The following MAGEB10 variants were observed in gnomAD, a reference collection of about 807,000 sequenced individuals.
MAGEB10 encodes the protein melanoma-associated antigen B10.
For synonymous variants in MAGEB10, 99 were observed against 101.0 expected, an observed-to-expected ratio of 0.98 and a Z score of 0.12; for missense variants, 190 against 261.9, an observed-to-expected ratio of 0.73 and a Z score of 1.89.
At position 27,822,638 on chromosome X, in the gene MAGEB10, G is replaced by A. The variant is rs767464183; in HGVS notation, c.*288G>A. The A allele has an allele frequency of 2.6e-5, 8 of 311,013 alleles. No homozygotes were observed. The highest frequency in any genetic ancestry group is 1.4e-4 in the African/African-American group (5 of 37,030). 25.6% of individuals were successfully genotyped at this position (311,013 alleles called of 1,213,427 possible). A position where few individuals can be genotyped will look rare whatever the true frequency, so the allele number is the denominator to read the frequency against. On this transcript the variant is annotated 3_prime_UTR_variant, in exon 3 of 3. Coordinates refer to ENST00000356790, the MANE Select transcript of MAGEB10 (RefSeq NM_182506.3). ...GAAACTCTCCATTTATTTAGTGATC[G>A]AAACACGATAGCATGGTAGTAAATT...
chrX:27,821,677 A>T lies in MAGEB10; in HGVS notation c.371A>T (p.Tyr124Phe), dbSNP rs1602866655. The change falls in exon 3 of 3, where the codon TAC (tyrosine) becomes TTC (phenylalanine). Residue 124 changes from tyrosine to phenylalanine, a missense_variant. Coordinates refer to ENST00000356790, the MANE Select transcript of MAGEB10 (RefSeq NM_182506.3). ...ATTATATTGGTGCATTACTTGCTGT[A>T]CAAGTACCAAATGAAAGAGCCCATT... Reference protein sequence around the residue: ...KVIILVHYLLYKYQMKEPITK... With the variant: ...KVIILVHYLLFKYQMKEPITK... The T allele has an allele frequency of 8.3e-7, 1 of 1,210,038 alleles. No individual in the cohort carries two copies. The highest frequency in any genetic ancestry group is 3.0e-5 in the East Asian group (1 of 33,760).
rs1440278071 is a variant in MAGEB10, at chrX:27,821,270, C to G, written c.-37C>G. Reference sequence around the variant, plus strand: ...TTCTCTTCTCCAGGTCACGGGATCACCTGCCTTTTTGGCTGCTGCACCTGA... The same window carrying G: ...TTCTCTTCTCCAGGTCACGGGATCAGCTGCCTTTTTGGCTGCTGCACCTGA... On this transcript the variant is annotated 5_prime_UTR_variant, in exon 3 of 3. Coordinates refer to ENST00000356790, the MANE Select transcript of MAGEB10 (RefSeq NM_182506.3). The G allele has an allele frequency of 8.7e-7, 1 of 1,143,536 alleles. No individual in the cohort carries two copies. Among genetic ancestry groups the G allele is most frequent in the African/African-American group, 1.8e-5 (1 of 56,244 alleles). The allele number at this position is 1,143,536 out of a possible 1,213,427, so 94.2% of individuals were successfully genotyped here.
intron 1 of MAGEB10, among the ~76,000 whole-genome samples, chrX:27,810,250 G>C (rs1362542605): frequency 9.0e-6 from 1 of 111,577 alleles, no homozygotes; most frequent in African/African-American, 3.3e-5. Flanking sequence ...GTAACACCAC[G>C]AGCGAAGGTC....
intron 1 of MAGEB10, among the ~76,000 whole-genome samples, chrX:27,809,078 G>T (rs1429495889): frequency 1.8e-5 from 2 of 112,512 alleles, no homozygotes; most frequent in African/African-American, 6.5e-5. Context: ...CACTGTGGGA[G>T]CCCCTTTCTG....
chrX:27,819,217 C>A (rs943645541), intron 2 of MAGEB10, among the ~76,000 whole-genome samples: 1 of 110,358 alleles, frequency 9.1e-6, no homozygotes, highest in Non-Finnish European at 1.9e-5. Context: ...GAGGAGGAGT[C>A]GTCCCAGGCC....
chrX:27,819,326 C>CAGTACT (rs1923841386), intron 2 of MAGEB10, among the ~76,000 whole-genome samples: 2 of 111,203 alleles, frequency 1.8e-5, no homozygotes, highest in Admixed American at 1.9e-4. Flanking sequence ...TGCACCCCTG[C>CAGTACT]TCTCAGCACT....
Position 27,821,296 on chromosome X carries a change from A to G in MAGEB10, c.-11A>G. The G allele has an allele frequency of 1.7e-6, 2 of 1,201,843 alleles. No individual in the cohort carries two copies. Among genetic ancestry groups the G allele is most frequent in the Non-Finnish European group, 2.3e-6 (2 of 888,159 alleles). ...CTGCCTTTTTGGCTGCTGCACCTGA[A>G]CAGAGTCATCATGCCTCGAGGTCAG... On this transcript the variant is annotated 5_prime_UTR_variant, in exon 3 of 3. Transcript: ENST00000356790.
rs1280561781 is a variant in MAGEB10 at position 27,821,396 on chromosome X, C to A, written c.90C>A (p.Asp30Glu). The A allele has an allele frequency of 8.3e-7, 1 of 1,211,301 alleles. No individual in the cohort carries two copies. Among genetic ancestry groups the A allele is most frequent in the Non-Finnish European group, 1.1e-6 (1 of 895,262 alleles). ...TGGAAGATTTGATAGATGCTCTGGA[C>A]ATTTTAGAAGAGGAGGAAGAATCTC... ...GGLEDLIDAL[D>E]ILEEEEESPP... The change falls in exon 3 of 3, where the codon GAC becomes GAA. Residue 30 changes from aspartate (D) to glutamate (E), a missense_variant. Asp to Glu is a conservative substitution (Grantham distance 45, BLOSUM62 2). Coordinates refer to ENST00000356790, the MANE Select transcript of MAGEB10 (RefSeq NM_182506.3).
chrX:27,814,431 A>G (rs895942833), intron 1 of MAGEB10, among the ~76,000 whole-genome samples: 1 of 111,602 alleles, frequency 9.0e-6, no homozygotes, highest in African/African-American at 3.3e-5. Context: ...AGACTACCCC[A>G]CACCCGCAAT....
chrX:27,817,993 G>A (rs1366984924), intron 2 of MAGEB10, among the ~76,000 whole-genome samples: 1 of 110,701 alleles, frequency 9.0e-6, no homozygotes, highest in African/African-American at 3.3e-5. Context: ...AGTTCAGCGT[G>A]GGGTAGCAAT....
chrX:27,821,693 A>G lies in MAGEB10; in HGVS notation c.387A>G (p.Lys129=), dbSNP rs770169991. The G allele has an allele frequency of 1.6e-6, 2 of 1,212,130 alleles. No homozygotes were observed. Among genetic ancestry groups the G allele is most frequent in the South Asian group, 3.5e-5 (2 of 57,024 alleles). ...ACTTGCTGTACAAGTACCAAATGAA[A>G]GAGCCCATTACAAAGGCAGATATGC... The part of the protein sequence containing the change: ...VHYLLYKYQM[K]EPITKADMLR... Residue 129 remains lysine, a synonymous_variant, in exon 3 of 3, where the codon AAA becomes AAG. Coordinates refer to ENST00000356790, the MANE Select transcript of MAGEB10 (RefSeq NM_182506.3).
intron 2 of MAGEB10, among the ~76,000 whole-genome samples, chrX:27,820,444 G>C (rs1456992981): frequency 9.0e-6 from 1 of 110,935 alleles, no homozygotes; most frequent in Non-Finnish European, 1.9e-5. Flanking sequence ...AACTCAGGGA[G>C]GGGAGGGCGT....
chrX:27,821,334 C>T lies in MAGEB10; in HGVS notation c.28C>T (p.Arg10Cys). ...GCCTCGAGGTCAGAAGAGTAAACTC[C>T]GTGCCAGGGAAAAACGCCGTCAGGC... MPRGQKSKL[R>C]AREKRRQARG... is the part of the protein sequence containing the mutation. Residue 10 changes from arginine (R) to cysteine (C), a missense_variant, in exon 3 of 3, where the codon CGT becomes TGT. By Grantham distance (180) the Arg-to-Cys change is radical. Transcript: ENST00000356790. 8.3e-7 allele frequency: 1 copy of T among 1,211,017 alleles called. No individual in the cohort carries two copies. The highest frequency in any genetic ancestry group is 1.1e-6 in the Non-Finnish European group (1 of 894,902).
chrX:27,814,506 GTTGAT>G (rs1031621336), intron 1 of MAGEB10, among the ~76,000 whole-genome samples: 8 of 111,849 alleles, frequency 7.2e-5, no homozygotes, highest in African/African-American at 2.3e-4. Flanking sequence ...GGCATTTTTG[GTTGAT>G]TTGTGTGCTG....
intron 1 of MAGEB10, among the ~76,000 whole-genome samples, chrX:27,809,384 C>A (rs1343230432): frequency 1.7e-5 from 1 of 59,676 alleles, no homozygotes; most frequent in Non-Finnish European, 3.1e-5. Flanking sequence ...TCCCACCCCC[C>A]CAACCCCGCC....
Position 27,821,394 on chromosome X carries a change from G to A in MAGEB10, c.88G>A (p.Asp30Asn). The A allele has an allele frequency of 8.3e-7, 1 of 1,211,426 alleles. No individual in the cohort carries two copies. Among genetic ancestry groups the A allele is most frequent in the Non-Finnish European group, 1.1e-6 (1 of 895,367 alleles). The change falls in exon 3 of 3, where the codon GAC (aspartate) becomes AAC (asparagine). Residue 30 changes from aspartate to asparagine, a missense_variant. Asp to Asn is a conservative substitution (Grantham distance 23). Coordinates refer to ENST00000356790, the MANE Select transcript of MAGEB10 (RefSeq NM_182506.3). The stretch of plus-strand genomic sequence containing the variant: ...GCTGGAAGATTTGATAGATGCTCTG[G>A]ACATTTTAGAAGAGGAGGAAGAATC... ...GGLEDLIDAL[D>N]ILEEEEESPP...
intron 1 of MAGEB10, among the ~76,000 whole-genome samples, chrX:27,816,931 A>C (rs1923792694): frequency 9.1e-6 from 1 of 110,328 alleles, no homozygotes; most frequent in South Asian, 3.9e-4. Flanking sequence ...TGGAGACTAC[A>C]TTGCCAGTCC....
At chrX:27,813,941 T>G (rs191581177) in intron 1 of MAGEB10, among the ~76,000 whole-genome samples, 76 of 112,135 alleles carry the variant, frequency 6.8e-4, no homozygotes, top group African/African-American at 2.2e-3. Flanking sequence ...CTATGTTTTA[T>G]GCACATCAGC....
chrX:27,810,121 G>A (rs776324170), intron 1 of MAGEB10, among the ~76,000 whole-genome samples: 2 of 111,500 alleles, frequency 1.8e-5, no homozygotes, highest in African/African-American at 6.5e-5. Flanking sequence ...TAGGCTGCCC[G>A]AGCCAGCCTT....
Sources: gnomAD v4.1 joint callset for allele counts (sites outside exome capture counted in the v4.1 genomes callset) on GRCh38, gnomAD v4.1.1 for gene constraint, MANE v1.5 for transcripts, NCBI Gene and HGNC (gene_info 2026-07-23, HGNC 2026-07-21) for gene names.